Variants in CNTNAP2 observed in about 807,000 individuals in gnomAD.
The protein encoded by CNTNAP2 is contactin-associated protein-like 2.
A neutral mutation model predicts 155.2 loss-of-function variants in CNTNAP2; 98 were observed. The ratio of observed to expected loss-of-function variants is 0.63; its 90% confidence interval spans 0.54 to 0.75. The LOEUF is 0.75. Ranked by LOEUF, CNTNAP2 falls within the 30% of genes least tolerant of loss-of-function variation. The pLI, the probability that CNTNAP2 is intolerant of heterozygous loss-of-function variation, is 0.00. For synonymous variants in CNTNAP2, 651 were observed against 631.2 expected (o/e 1.03, Z -0.47); for missense variants, 1,727 against 1,688.1 (o/e 1.02, Z -0.40).
chr7:146,291,350 G>A (rs1584851707), intron 1 of CNTNAP2, among the ~76,000 whole-genome samples: 1 of 152,204 alleles, frequency 6.6e-6, no homozygotes, highest in East Asian at 1.9e-4. Context: ...ATTTATAAAT[G>A]ATTGAAAGAA....
At chr7:146,821,962 C>T (rs1050086985) in intron 2 of CNTNAP2, among the ~76,000 whole-genome samples, 1 of 151,634 alleles carries the variant, frequency 6.6e-6, no homozygotes, top group Admixed American at 6.6e-5. Context: ...CCCAGCCATC[C>T]CATTACTGGG....
At chr7:147,128,632 G>A in intron 6 of CNTNAP2, 61 bp from the exon 7 acceptor site, 1 of 1,590,088 alleles carries the variant, frequency 6.3e-7, no homozygotes, top group Non-Finnish European at 8.6e-7. Flanking sequence ...TGTATTCATA[G>A]TTTTGTCTAG....
chr7:146,611,625 T>G (rs6978001), intron 1 of CNTNAP2, among the ~76,000 whole-genome samples: 2,913 of 152,232 alleles, frequency 0.019, 110 homozygotes, highest in African/African-American at 0.065. Flanking sequence ...CAAAGAACAT[T>G]TCTTGTATAT....
intron 1 of CNTNAP2, among the ~76,000 whole-genome samples, chr7:146,523,446 C>G (rs902103323): frequency 6.6e-6 from 1 of 151,986 alleles, no homozygotes; most frequent in African/African-American, 2.4e-5. Context: ...TCATGGACAA[C>G]CTTTAAAATA....
intron 17 of CNTNAP2, among the ~76,000 whole-genome samples, chr7:148,164,509 G>A (rs1222402459): frequency 1.3e-5 from 2 of 150,848 alleles, no homozygotes; most frequent in Non-Finnish European, 2.9e-5. Context: ...GCGGGCTCAA[G>A]ACCTCTATGC....
chr7:146,231,730 T>C (rs1799388752), intron 1 of CNTNAP2, among the ~76,000 whole-genome samples: 1 of 152,186 alleles, frequency 6.6e-6, no homozygotes, highest in Admixed American at 6.5e-5. Context: ...ATAATTGCTC[T>C]GATGAAGTGC....
chr7:146,606,699 T>A (rs576020942), intron 1 of CNTNAP2, among the ~76,000 whole-genome samples: 11 of 152,314 alleles, frequency 7.2e-5, no homozygotes, highest in Middle Eastern at 6.8e-3. Flanking sequence ...GCTTGAGAAA[T>A]TATAAAACAA....
intron 15 of CNTNAP2, among the ~76,000 whole-genome samples, chr7:148,088,793 T>C (rs979202977): frequency 2.0e-5 from 3 of 151,882 alleles, no homozygotes; most frequent in Non-Finnish European, 4.4e-5. Flanking sequence ...TGAAGAAACA[T>C]TCTCAAACTC....
intron 3 of CNTNAP2, among the ~76,000 whole-genome samples, chr7:146,986,286 A>G (rs1202647289): frequency 6.6e-6 from 1 of 152,172 alleles, no homozygotes; most frequent in African/African-American, 2.4e-5. Context: ...CTTCACTTAG[A>G]AGAATAGTCT....
At position 147,351,935 on chromosome 7, in the gene CNTNAP2, G is replaced by A. The variant is rs537142630; in HGVS notation, c.1499-43674G>A. ...AGGTGAAAATCTTCTTTCAATGGCC[G>A]TGAATAAATCTCCTTTAAAGACATT... On this transcript the variant is annotated intron_variant, in intron 9 of 23. Coordinates refer to ENST00000361727, the MANE Select transcript of CNTNAP2 (RefSeq NM_014141.6). Among the ~76,000 whole-genome samples the A allele has an allele frequency of 1.4e-4, 22 of 151,970 alleles. 1 individual carries two copies. Among genetic ancestry groups the A allele is most frequent in the South Asian group, 4.1e-4 (2 of 4,826 alleles).
chr7:148,101,169 T>A (rs972694611), intron 15 of CNTNAP2, among the ~76,000 whole-genome samples: 1 of 149,860 alleles, frequency 6.7e-6, no homozygotes, highest in Non-Finnish European at 1.5e-5. Flanking sequence ...GCATTAGGAG[T>A]AATACCTAAT....
At chr7:146,901,870 C>CTTTTTTTT (rs71165048) in intron 3 of CNTNAP2, among the ~76,000 whole-genome samples, 10 of 88,226 alleles carry the variant, frequency 1.1e-4, no homozygotes, top group Admixed American at 1.3e-4. Flanking sequence ...ATATATGCTC[C>CTTTTTTTT]TTTTTTTTTT....
At chr7:146,964,826 C>A (rs948748761) in intron 3 of CNTNAP2, among the ~76,000 whole-genome samples, 1 of 151,890 alleles carries the variant, frequency 6.6e-6, no homozygotes, top group Non-Finnish European at 1.5e-5. Context: ...CAGCCATGGA[C>A]AATACCTAAG....
chr7:148,261,254 G>A (rs563846680), intron 20 of CNTNAP2, among the ~76,000 whole-genome samples: 6 of 152,082 alleles, frequency 3.9e-5, no homozygotes, highest in South Asian at 2.1e-4. Flanking sequence ...TCTGCCTCCC[G>A]GGTTCAAGCG....
At chr7:147,100,104 A>G (rs1433356791) in intron 4 of CNTNAP2, among the ~76,000 whole-genome samples, 1 of 151,964 alleles carries the variant, frequency 6.6e-6, no homozygotes, top group East Asian at 1.9e-4. Flanking sequence ...AGGACAGAAT[A>G]TAGGTGTGTG....
At position 148,136,546 on chromosome 7, in the gene CNTNAP2, C is replaced by T. The variant is rs1006533; in HGVS notation, c.2555-10945C>T. ...CCTGCAGAGCCAAGAGTCAAATAAA[C>T]CTCTTTTCTTTATAAATTACCCAGC... On this transcript the variant is annotated intron_variant, in intron 16 of 23. Transcript: ENST00000361727. Among the ~76,000 whole-genome samples the T allele has an allele frequency of 6.3e-3, 962 of 152,274 alleles. 40 individuals carry two copies. In the East Asian group the frequency reaches 0.11, roughly 17 times the overall value.
At chr7:146,894,203 A>T (rs1324879032) in intron 3 of CNTNAP2, among the ~76,000 whole-genome samples, 1 of 152,194 alleles carries the variant, frequency 6.6e-6, no homozygotes, top group Non-Finnish European at 1.5e-5. Context: ...TAAAGGAAAC[A>T]ATATATTCTC....
chr7:147,327,725 T>C (rs1452674953), intron 9 of CNTNAP2, among the ~76,000 whole-genome samples: 1 of 152,130 alleles, frequency 6.6e-6, no homozygotes, highest in African/African-American at 2.4e-5. Context: ...CACTTTAAAA[T>C]ATCTGTTCTG....
At chr7:146,903,903 G>T (rs936145122) in intron 3 of CNTNAP2, among the ~76,000 whole-genome samples, 3 of 151,956 alleles carry the variant, frequency 2.0e-5, no homozygotes, top group African/African-American at 4.8e-5. Context: ...AATTGGTGAG[G>T]TCATAGAATA....
Sources: allele counts gnomAD v4.1 joint callset (sites outside exome capture counted in the v4.1 genomes callset), GRCh38; gene constraint gnomAD v4.1.1; transcripts MANE v1.5; gene names NCBI Gene and HGNC (gene_info 2026-07-23, HGNC 2026-07-21).